The following HAS3 variants were observed in gnomAD, a reference collection of about 807,000 sequenced individuals.
HAS3 encodes the protein hyaluronan synthase 3, also known as HA synthase 3.
In HAS3, 27 loss-of-function variants were observed where a neutral mutation model predicts 50.3. The observed-to-expected ratio is 0.54, with a 90% confidence interval of 0.40 to 0.74. The LOEUF is 0.74. HAS3 is among the 30% of genes least tolerant of loss of function. HAS3 has a pLI of 0.00. For synonymous variants in HAS3, 339 were observed against 310.9 expected (o/e 1.09, Z -0.95); for missense variants, 517 against 742.8 (o/e 0.70, Z 3.53).
chr16:69,086,838 A>G, the HAS3 span, among the ~76,000 whole-genome samples: 1 of 152,294 alleles, frequency 6.6e-6, no homozygotes, highest in East Asian at 1.9e-4. Flanking sequence ...TGGGAAGCAG[A>G]GATTGTGGTG....
At chr16:69,113,329 T>C in intron 2 of HAS3, 112 bp from the exon 3 acceptor site, 1 of 760,626 alleles carries the variant, frequency 1.3e-6, no homozygotes, top group Admixed American at 1.8e-5. Context: ...TGGAAGTGAG[T>C]CATGTGTGAA....
At chr16:69,113,395 T>G (rs1167205250) in intron 2 of HAS3, 46 bp from the exon 3 acceptor site, 7 of 1,238,832 alleles carry the variant, frequency 5.7e-6, no homozygotes, top group Non-Finnish European at 7.2e-6. Context: ...GGACAGGGTG[T>G]GCAGGTCTGA....
chr16:69,103,003 ATGTGTGTGTGTGTGTGTGTGTGTG>A (rs35175934), upstream of HAS3, among the ~76,000 whole-genome samples: 2 of 138,784 alleles, frequency 1.4e-5, no homozygotes, highest in South Asian at 2.7e-4. Context: ...TGGAGTGTGC[ATGTGTGTGTGTGTGTGTGTGTGTG>A]TGTGTGTGTG....
upstream of HAS3, among the ~76,000 whole-genome samples, chr16:69,104,992 G>GTTTTTTTTTTTTTTTTTTTTT (rs565397720): frequency 3.7e-5 from 3 of 81,958 alleles, no homozygotes; most frequent in East Asian, 4.1e-4. Context: ...CTGTTTTTTG[G>GTTTTTTTTTTTTTTTTTTTTT]TTTTTTTTTT....
In HAS3 at chr16:69,116,600, T is replaced by C. The variant is rs1363467242; in HGVS notation, c.*1334T>C. ...GTGACAGTCACTGCATTTGCCTGCT[T>C]CTTTCCAGAAACCAAACTAGGAGAT... On this transcript the variant is annotated 3_prime_UTR_variant, in exon 4 of 4. Transcript: ENST00000569188. 1.0e-6 allele frequency: 1 copy of C among 985,306 alleles called. No homozygotes were observed. The highest frequency in any genetic ancestry group is 1.8e-5 in the African/African-American group (1 of 57,032). The allele number at this position is 985,306 out of a possible 1,614,324, so 61.0% of individuals were successfully genotyped here.
chr16:69,088,362 C>A, the HAS3 span, among the ~76,000 whole-genome samples: 1 of 151,806 alleles, frequency 6.6e-6, no homozygotes, highest in Non-Finnish European at 1.5e-5. Context: ...GAGTTTGAGA[C>A]CAGCCTGGCC....
rs1343272561 is a variant in HAS3 at position 69,109,918 on chromosome 16, C to T, written c.523C>T (p.Arg175Trp). The part of the protein sequence containing the change: ...ASLQEGMDRV[R>W]DVVRASTFSC... Reference sequence around the variant, plus strand: ...CCTGCAGGAGGGCATGGACCGTGTGCGGGATGTGGTGCGGGCCAGCACCTT... The same window carrying T: ...CCTGCAGGAGGGCATGGACCGTGTGTGGGATGTGGTGCGGGCCAGCACCTT... The change falls in exon 2 of 4, where the codon CGG becomes TGG. Residue 175 changes from arginine to tryptophan, a missense_variant. By Grantham distance (101) the Arg-to-Trp change is moderately radical. Transcript: ENST00000569188. This position sits in a 1 kb window ranked among gnomAD's most constrained non-coding sequence, Gnocchi z 5.3. 7 of 1,613,914 alleles carry T rather than the reference C, an allele frequency of 4.3e-6. No individual in the cohort carries two copies. The highest frequency in any genetic ancestry group is 1.3e-5 in the African/African-American group (1 of 74,940).
At chr16:69,098,415 T>C in the HAS3 span, among the ~76,000 whole-genome samples, 102 of 149,748 alleles carry the variant, frequency 6.8e-4, 2 homozygotes, top group East Asian at 0.016. Flanking sequence ...TTATCTTCAT[T>C]TTTTTTTTTA....
chr16:69,118,002 C>T, downstream of HAS3: 1 of 298,424 alleles, frequency 3.4e-6, no homozygotes, highest in Non-Finnish European at 6.4e-6. Flanking sequence ...AACACAGTGA[C>T]ACCAGCAGCC....
In HAS3 at chr16:69,105,723, C is replaced by G. The variant is rs535781305; in HGVS notation, c.-65C>G. 2.6e-5 allele frequency: 4 copies of G among 152,404 alleles called. No individual in the cohort carries two copies. The highest frequency in any genetic ancestry group is 7.2e-5 in the African/African-American group (3 of 41,588). 9.4% of individuals were successfully genotyped at this position (152,404 alleles called of 1,614,324 possible). A position where few individuals can be genotyped will look rare whatever the true frequency, so the allele number is the denominator to read the frequency against. ...CCTTGGCTTTCGGGAGCCCCCTAGA[C>G]AGCGAACTGCCCCTTCGCGTGCAGA... is the stretch of plus-strand genomic sequence containing the variant. On this transcript the variant is annotated 5_prime_UTR_variant, in exon 1 of 4. Coordinates refer to ENST00000569188, the MANE Select transcript of HAS3 (RefSeq NM_001199280.2).
chr16:69,097,648 G>C, the HAS3 span, among the ~76,000 whole-genome samples: 4 of 152,096 alleles, frequency 2.6e-5, no homozygotes, highest in Non-Finnish European at 5.9e-5. Flanking sequence ...GACTTCCCTG[G>C]GTGGGAGGAC....
Position 69,115,204 on chromosome 16 carries a change from A to G in HAS3, c.1600A>G (p.Ile534Val). The G allele has an allele frequency of 2.6e-6, 4 of 1,555,736 alleles. No homozygotes were observed. Among genetic ancestry groups the G allele is most frequent in the African/African-American group, 1.4e-5 (1 of 73,250 alleles). The stretch of plus-strand genomic sequence containing the variant: ...GGCCCTCCTCATGCTATATCTGGCC[A>G]TCATCGCCCGGCGATGTGGGAAGAA... ...WVALLMLYLA[I>V]IARRCGKKPE... The change falls in exon 4 of 4, where the codon ATC becomes GTC. Residue 534 changes from isoleucine (I) to valine (V), a missense_variant. By Grantham distance (29) the Ile-to-Val change is conservative. Coordinates refer to ENST00000569188, the MANE Select transcript of HAS3 (RefSeq NM_001199280.2).
In HAS3 at chr16:69,114,760, A is replaced by G; in HGVS notation, c.1156A>G (p.Thr386Ala). 6.2e-7 allele frequency: 1 copy of G among 1,614,118 alleles called. No individual in the cohort carries two copies. Among genetic ancestry groups the G allele is most frequent in the South Asian group, 1.1e-5 (1 of 91,076 alleles). The change falls in exon 4 of 4, where the codon ACG becomes GCG. Residue 386 changes from threonine to alanine, a missense_variant. Coordinates refer to ENST00000569188, the MANE Select transcript of HAS3 (RefSeq NM_001199280.2). This position sits in a 1 kb window ranked among gnomAD's most constrained non-coding sequence, Gnocchi z 6.4. ...HLWMTYESVV[T>A]GFFPFFLIAT... is the part of the protein sequence containing the mutation. ...CTGGATGACCTACGAGTCAGTGGTC[A>G]CGGGTTTCTTCCCCTTCTTCCTCAT...
upstream of HAS3, among the ~76,000 whole-genome samples, chr16:69,104,992 G>GTT (rs565397720): frequency 0.072 from 5,900 of 81,884 alleles, 911 homozygotes; most frequent in Non-Finnish European, 0.087. Flanking sequence ...CTGTTTTTTG[G>GTT]TTTTTTTTTT....
rs1961150414 is a variant in HAS3 at position 69,115,437 on chromosome 16, TG to T, written c.*172del. Reference sequence around the variant, plus strand: ...GTGATGTAGTATGGCCTGACAGCTCTGTTTAGAGGAGGCAACACTGATCCCC... The same window carrying T: ...GTGATGTAGTATGGCCTGACAGCTCTTTTAGAGGAGGCAACACTGATCCCC... On this transcript the variant is annotated 3_prime_UTR_variant, in exon 4 of 4. Coordinates refer to ENST00000569188, the MANE Select transcript of HAS3 (RefSeq NM_001199280.2). 1 of 1,335,912 alleles carries T rather than the reference TG, an allele frequency of 7.5e-7. No individual in the cohort carries two copies. The highest frequency in any genetic ancestry group is 9.5e-7 in the Non-Finnish European group (1 of 1,048,760). 82.8% of individuals were successfully genotyped at this position (1,335,912 alleles called of 1,614,324 possible). A position where few individuals can be genotyped will look rare whatever the true frequency, so the allele number is the denominator to read the frequency against.
chr16:69,094,622 G>A, the HAS3 span, among the ~76,000 whole-genome samples: 2 of 152,278 alleles, frequency 1.3e-5, no homozygotes, highest in East Asian at 3.9e-4. Flanking sequence ...CCCCTCATGA[G>A]TCTCTAGAGA....
rs1471544228 is a variant in HAS3, at chr16:69,109,758, G to A, written c.363G>A (p.Val121=). The change falls in exon 2 of 4, where the codon GTG becomes GTA. Residue 121 remains valine (V), a synonymous_variant. Coordinates refer to ENST00000569188, the MANE Select transcript of HAS3 (RefSeq NM_001199280.2). The surrounding 1 kb of genome is among the most constrained non-coding windows in gnomAD (Gnocchi z 5.3). ...TCCCTGACCTCAAGGTGGTCATGGT[G>A]GTGGATGGCAACCGCCAGGAGGACG... is the stretch of plus-strand genomic sequence containing the variant. The part of the protein sequence containing the change: ...ISFPDLKVVM[V]VDGNRQEDAY... The A allele has an allele frequency of 1.9e-6, 3 of 1,611,520 alleles. No individual in the cohort carries two copies. Among genetic ancestry groups the A allele is most frequent in the Non-Finnish European group, 2.5e-6 (3 of 1,180,014 alleles).
chr16:69,118,217 G>T, downstream of HAS3: 1 of 627,758 alleles, frequency 1.6e-6, no homozygotes, highest in Non-Finnish European at 2.9e-6. Context: ...GAGGGAGTTG[G>T]ATGAGTAGAG....
At position 69,115,507 on chromosome 16, in the gene HAS3, T is replaced by A; in HGVS notation, c.*241T>A. On this transcript the variant is annotated 3_prime_UTR_variant, in exon 4 of 4. Transcript: ENST00000569188. ...GGATTCTGTGTTTTCAGACTGCCTG[T>A]CTGCTTGCATCTGCACATAGGCAGT... The A allele has an allele frequency of 8.1e-7, 1 of 1,234,426 alleles. No homozygotes were observed. The highest frequency in any genetic ancestry group is 1.0e-6 in the Non-Finnish European group (1 of 987,952). The allele number at this position is 1,234,426 out of a possible 1,614,324, so 76.5% of individuals were successfully genotyped here. A position where few individuals can be genotyped will look rare whatever the true frequency, so the allele number is the denominator to read the frequency against.
Sources: gnomAD v4.1 joint callset for allele counts (sites outside exome capture counted in the v4.1 genomes callset) on GRCh38, gnomAD v4.1.1 for gene constraint, Gnocchi (gnomAD v3.1) non-coding constraint, MANE v1.5 for transcripts, NCBI Gene and HGNC (gene_info 2026-07-23, HGNC 2026-07-21) for gene names.